Variants in CNTN5 observed in about 807,000 individuals in gnomAD.
CNTN5 encodes contactin 5.
A neutral mutation model predicts 129.1 loss-of-function variants in CNTN5; 77 were observed. The observed-to-expected ratio is 0.60, with a 90% CI of 0.50 to 0.72. CNTN5 has a LOEUF of 0.72. Ranked by LOEUF, CNTN5 falls within the 30% of genes least tolerant of loss-of-function variation. The pLI, the probability that CNTN5 is intolerant of heterozygous loss-of-function variation, is 0.00. For missense variants in CNTN5, 1,478 were observed against 1,328.8 expected, an observed-to-expected ratio of 1.11 and a Z score of -1.75; for synonymous variants, 509 against 465.6, an observed-to-expected ratio of 1.09 and a Z score of -1.20.
At chr11:99,285,231 A>G (rs1337071294) in intron 1 of CNTN5, among the ~76,000 whole-genome samples, 4 of 152,156 alleles carry the variant, frequency 2.6e-5, no homozygotes, top group African/African-American at 9.7e-5. Flanking sequence ...TTGCACGTCT[A>G]CTGTACTAAG....
At chr11:99,256,443 C>A (rs1480594800) in intron 1 of CNTN5, among the ~76,000 whole-genome samples, 1 of 151,936 alleles carries the variant, frequency 6.6e-6, no homozygotes, top group African/African-American at 2.4e-5. Flanking sequence ...TTGAATTCAG[C>A]ATTTTATATA....
intron 3 of CNTN5, among the ~76,000 whole-genome samples, chr11:99,563,304 G>A (rs1369202681): frequency 2.0e-5 from 3 of 152,118 alleles, no homozygotes; most frequent in African/African-American, 7.2e-5. Flanking sequence ...AGTAGAAGAG[G>A]AAAATTAGAC....
At chr11:99,525,292 A>T (rs1471492859) in intron 2 of CNTN5, among the ~76,000 whole-genome samples, 1 of 152,224 alleles carries the variant, frequency 6.6e-6, no homozygotes, top group Non-Finnish European at 1.5e-5. Context: ...TAATTTAAAA[A>T]AAATAAGGAC....
At chr11:99,439,067 C>A (rs747702126) in intron 2 of CNTN5, among the ~76,000 whole-genome samples, 2 of 152,052 alleles carry the variant, frequency 1.3e-5, no homozygotes, top group Non-Finnish European at 2.9e-5. Context: ...TTTATCTTTT[C>A]GATAGAGTGA....
chr11:99,049,794 C>G (rs1864354975), intron 1 of CNTN5: 2 of 152,030 alleles, frequency 1.3e-5, no homozygotes, highest in South Asian at 4.1e-4. Flanking sequence ...CCTGTATATC[C>G]CTATTGTCAA....
At chr11:100,158,498 ACAATAAAGCTGGGAAAAATG>A (rs927443561) in intron 13 of CNTN5, among the ~76,000 whole-genome samples, 1 of 151,890 alleles carries the variant, frequency 6.6e-6, no homozygotes, top group Non-Finnish European at 1.5e-5. Context: ...TAACTATATC[ACAATAAAGCTGGGAAAAATG>A]CGATAAAGTA....
intron 3 of CNTN5, among the ~76,000 whole-genome samples, chr11:99,798,814 C>T (rs1447570709): frequency 1.3e-5 from 2 of 152,052 alleles, no homozygotes; most frequent in South Asian, 2.1e-4. Context: ...GATGTTTGTA[C>T]GTTCGTAGGA....
rs370884539 is a variant in CNTN5, at chr11:99,380,693, G to A, written c.-71+55209G>A. 6.0e-5 allele frequency among the ~76,000 whole-genome samples: 9 copies of A among 149,918 alleles called. No homozygotes were observed. In the East Asian group the frequency reaches 7.9e-4, roughly 13 times the overall value. On this transcript the variant is annotated intron_variant, in intron 2 of 24. Transcript: ENST00000524871. Reference sequence around the variant, plus strand: ...CAAGGCTGGAGAATCACTTGAACCCGGGAGGTGGAGGTTGCAGTGAGCCAA... The same window carrying A: ...CAAGGCTGGAGAATCACTTGAACCCAGGAGGTGGAGGTTGCAGTGAGCCAA...
intron 2 of CNTN5, among the ~76,000 whole-genome samples, chr11:99,351,718 TA>T (rs1295085331): frequency 6.6e-6 from 1 of 152,204 alleles, no homozygotes; most frequent in Non-Finnish European, 1.5e-5. Flanking sequence ...AACTACTATA[TA>T]AATCAAATTT....
chr11:100,273,010 G>GC (rs1047884761), intron 18 of CNTN5, among the ~76,000 whole-genome samples: 1 of 152,108 alleles, frequency 6.6e-6, no homozygotes, highest in African/African-American at 2.4e-5. Flanking sequence ...GGAGACTTTA[G>GC]CCCTAGGGGA....
At chr11:99,629,089 T>C (rs2135793714) in intron 3 of CNTN5, among the ~76,000 whole-genome samples, 1 of 152,042 alleles carries the variant, frequency 6.6e-6, no homozygotes, top group East Asian at 1.9e-4. Flanking sequence ...AAACAATAAA[T>C]ATGTTGGGTC....
rs569452027 is a variant in CNTN5, at chr11:100,117,661, A to G, written c.1580+43367A>G. 9.2e-5 allele frequency among the ~76,000 whole-genome samples: 14 copies of G among 152,020 alleles called. No homozygotes were observed. The East Asian group carries it at 2.7e-3, about 29-fold the overall frequency. ...TCAGGCATAATAGCTGGACTTAAGA[A>G]TAACAGGACTGAAGAATACCTGAAA... On this transcript the variant is annotated intron_variant, in intron 13 of 24. Transcript: ENST00000524871.
chr11:100,339,051 G>A (rs941715941), intron 21 of CNTN5, among the ~76,000 whole-genome samples: 5 of 152,016 alleles, frequency 3.3e-5, no homozygotes, highest in South Asian at 4.2e-4. Flanking sequence ...CAGGGCCTGC[G>A]GCAGTGCCCA....
chr11:99,494,137 C>T (rs1395726124), intron 2 of CNTN5, among the ~76,000 whole-genome samples: 1 of 152,098 alleles, frequency 6.6e-6, no homozygotes, highest in African/African-American at 2.4e-5. Flanking sequence ...TCAGAGCTTT[C>T]GAATTCTCCC....
At chr11:99,250,880 A>G (rs908927356) in intron 1 of CNTN5, among the ~76,000 whole-genome samples, 6 of 151,926 alleles carry the variant, frequency 3.9e-5, no homozygotes, top group African/African-American at 1.4e-4. Context: ...CTAATTTTCT[A>G]ATGTGCACAG....
At chr11:99,233,456 A>G (rs1172027002) in intron 1 of CNTN5, among the ~76,000 whole-genome samples, 2 of 152,212 alleles carry the variant, frequency 1.3e-5, no homozygotes, top group South Asian at 2.1e-4. Flanking sequence ...ACATACTGGT[A>G]TAAATTGTAG....
intron 3 of CNTN5, among the ~76,000 whole-genome samples, chr11:99,814,978 A>G (rs1445747933): frequency 6.6e-6 from 1 of 152,082 alleles, no homozygotes; most frequent in East Asian, 1.9e-4. Context: ...GGATCTTGAC[A>G]AACACTTATA....
intron 9 of CNTN5, among the ~76,000 whole-genome samples, chr11:100,017,397 A>G (rs116999095): frequency 0.011 from 1,682 of 152,112 alleles, 17 homozygotes; most frequent in South Asian, 0.024. Context: ...CCAGATGTAT[A>G]TTGCACTCAA....
At chr11:99,757,675 G>A (rs1483701286) in intron 3 of CNTN5, among the ~76,000 whole-genome samples, 4 of 151,960 alleles carry the variant, frequency 2.6e-5, no homozygotes, top group Non-Finnish European at 5.9e-5. Flanking sequence ...ATTTTGGGGA[G>A]GGTATTACTC....
Sources: gnomAD v4.1 joint callset for allele counts (sites outside exome capture counted in the v4.1 genomes callset) on GRCh38, gnomAD v4.1.1 for gene constraint, MANE v1.5 for transcripts, NCBI Gene and HGNC (gene_info 2026-07-23, HGNC 2026-07-21) for gene names.